ARHGAP15: variants seen among roughly 807,000 people sequenced by gnomAD.
The protein encoded by ARHGAP15 is rho GTPase-activating protein 15.
ARHGAP15 carries 51 observed loss-of-function variants against 63.7 expected under a neutral mutation model. The ratio of observed to expected loss-of-function variants is 0.80; its 90% CI spans 0.64 to 1.01. The LOEUF is 1.01. ARHGAP15 is among the 50% of genes least tolerant of loss of function. ARHGAP15 has a pLI of 0.00. For missense variants in ARHGAP15, 560 were observed against 564.6 expected, an observed-to-expected ratio of 0.99 and a Z score of 0.08; for synonymous variants, 191 against 193.8, an observed-to-expected ratio of 0.99 and a Z score of 0.12.
At chr2:143,674,615 C>A (rs1682733355) in intron 12 of ARHGAP15, among the ~76,000 whole-genome samples, 1 of 152,162 alleles carries the variant, frequency 6.6e-6, no homozygotes, top group African/African-American at 2.4e-5. Context: ...CAATTTCAGA[C>A]TACCCCAATA....
intron 11 of ARHGAP15, among the ~76,000 whole-genome samples, chr2:143,600,250 C>A (rs181985845): frequency 5.9e-5 from 9 of 152,194 alleles, no homozygotes; most frequent in Admixed American, 3.3e-4. Context: ...TAAATATCAC[C>A]AAGTTAAACT....
intron 6 of ARHGAP15, chr2:143,351,433 G>A (rs1419333716): frequency 2.6e-5 from 4 of 152,180 alleles, no homozygotes; most frequent in African/African-American, 9.7e-5. Flanking sequence ...GGGAGGGAGA[G>A]AGTGAGACTA....
chr2:143,748,259 A>G lies in ARHGAP15; in HGVS notation c.1245-19730A>G, dbSNP rs930351865. Among the ~76,000 whole-genome samples the G allele has an allele frequency of 2.6e-4, 39 of 152,240 alleles. 1 individual carries two copies. The highest frequency in any genetic ancestry group is 4.4e-5 in the Non-Finnish European group (3 of 68,038). ...GGTTACACTGTTAATTATGTCCAAA[A>G]AGCAATTTTATGATCTTTTCAAAAG... is the stretch of plus-strand genomic sequence containing the variant. On this transcript the variant is annotated intron_variant, in intron 13 of 13. Coordinates refer to ENST00000295095, the MANE Select transcript of ARHGAP15 (RefSeq NM_018460.4).
At chr2:143,491,732 A>G (rs1317217752) in intron 9 of ARHGAP15, among the ~76,000 whole-genome samples, 1 of 152,014 alleles carries the variant, frequency 6.6e-6, no homozygotes, top group Non-Finnish European at 1.5e-5. Context: ...TTTAGGGTAA[A>G]AGCTGGTTTG....
chr2:143,378,998 A>G (rs1281100105), intron 6 of ARHGAP15, among the ~76,000 whole-genome samples: 2 of 151,780 alleles, frequency 1.3e-5, no homozygotes, highest in East Asian at 3.9e-4. Flanking sequence ...TTATTTATTT[A>G]TTTTTTAAGT....
chr2:143,425,968 C>T (rs1689122968), intron 6 of ARHGAP15, among the ~76,000 whole-genome samples: 1 of 152,108 alleles, frequency 6.6e-6, no homozygotes, highest in Non-Finnish European at 1.5e-5. Flanking sequence ...TTCCTCTCCC[C>T]AAAGTATATA....
intron 10 of ARHGAP15, among the ~76,000 whole-genome samples, chr2:143,524,728 C>A (rs59211275): frequency 1.3e-5 from 2 of 152,090 alleles, no homozygotes; most frequent in African/African-American, 2.4e-5. Flanking sequence ...GTTAATATCA[C>A]GAGAAAGCGT....
chr2:143,725,071 T>C (rs956175939), intron 13 of ARHGAP15, among the ~76,000 whole-genome samples: 2 of 152,250 alleles, frequency 1.3e-5, no homozygotes, highest in Non-Finnish European at 2.9e-5. Flanking sequence ...TCCATTGTAA[T>C]TTTAATACTA....
At chr2:143,190,672 T>C (rs1691650358) in intron 2 of ARHGAP15, among the ~76,000 whole-genome samples, 1 of 152,244 alleles carries the variant, frequency 6.6e-6, no homozygotes, top group Non-Finnish European at 1.5e-5. Context: ...CTAGCCTTTC[T>C]GAATGATGGC....
At chr2:143,312,549 T>C (rs1683498675) in intron 6 of ARHGAP15, among the ~76,000 whole-genome samples, 1 of 152,158 alleles carries the variant, frequency 6.6e-6, no homozygotes, top group African/African-American at 2.4e-5. Flanking sequence ...TTTTTAAACA[T>C]TCAGGCCTTT....
intron 13 of ARHGAP15, among the ~76,000 whole-genome samples, chr2:143,752,273 G>A (rs920555014): frequency 4.6e-5 from 7 of 152,110 alleles, no homozygotes; most frequent in South Asian, 2.1e-4. Context: ...CAGAGTAAAG[G>A]CCCCTATAAT....
intron 8 of ARHGAP15, among the ~76,000 whole-genome samples, chr2:143,438,099 G>A (rs746868107): frequency 1.8e-4 from 27 of 152,132 alleles, no homozygotes; most frequent in Non-Finnish European, 3.1e-4. Flanking sequence ...TATTTTGGGG[G>A]AGTCTTCTAC....
intron 12 of ARHGAP15, among the ~76,000 whole-genome samples, chr2:143,625,759 G>A (rs537410330): frequency 6.6e-6 from 1 of 152,282 alleles, no homozygotes; most frequent in East Asian, 1.9e-4. Context: ...AAATTGGAGG[G>A]ACTTTGCATT....
At chr2:143,462,355 G>T (rs1190068279) in intron 8 of ARHGAP15, among the ~76,000 whole-genome samples, 2 of 151,788 alleles carry the variant, frequency 1.3e-5, no homozygotes, top group East Asian at 3.9e-4. Context: ...TAAACTATTG[G>T]GGAAAAAAAA....
chr2:143,667,083 G>T, intron 12 of ARHGAP15, among the ~76,000 whole-genome samples: 4 of 150,022 alleles, frequency 2.7e-5, no homozygotes, highest in South Asian at 2.1e-4. Context: ...TATACCCAAA[G>T]GACTATGAAT....
chr2:143,606,143 G>A (rs896788767), intron 11 of ARHGAP15, among the ~76,000 whole-genome samples: 1 of 147,732 alleles, frequency 6.8e-6, no homozygotes, highest in African/African-American at 2.5e-5. Flanking sequence ...ATCCTTGGAT[G>A]CTTTCTTCAT....
intron 11 of ARHGAP15, among the ~76,000 whole-genome samples, chr2:143,565,574 T>A (rs1229631513): frequency 6.6e-6 from 1 of 152,254 alleles, no homozygotes; most frequent in Non-Finnish European, 1.5e-5. Flanking sequence ...AGCTATATTT[T>A]ACATTATATT....
intron 6 of ARHGAP15, among the ~76,000 whole-genome samples, chr2:143,367,628 ATTTC>A (rs1383048123): frequency 2.0e-5 from 3 of 151,514 alleles, no homozygotes; most frequent in Admixed American, 1.3e-4. Context: ...TTCTTTATAT[ATTTC>A]TTCTTGTAAC....
intron 12 of ARHGAP15, among the ~76,000 whole-genome samples, chr2:143,663,208 G>A (rs1326066503): frequency 7.3e-6 from 1 of 136,370 alleles, no homozygotes; most frequent in Non-Finnish European, 1.6e-5. Context: ...CAGACTAACA[G>A]CGGATCTCTC....
Sources: gnomAD v4.1 joint callset for allele counts (sites outside exome capture counted in the v4.1 genomes callset) on GRCh38, gnomAD v4.1.1 for gene constraint, MANE v1.5 for transcripts, NCBI Gene and HGNC (gene_info 2026-07-23, HGNC 2026-07-21) for gene names.